The following ITGBL1 variants were observed in gnomAD, a reference collection of about 807,000 sequenced individuals.
ITGBL1 encodes integrin subunit beta like 1.
In ITGBL1, 51 loss-of-function variants were observed where a neutral mutation model predicts 68.5. The ratio of observed to expected loss-of-function variants is 0.74; its 90% CI spans 0.59 to 0.94. The LOEUF is 0.94. Among genes scored for constraint, ITGBL1 ranks in the 40% least tolerant of loss-of-function variants. ITGBL1 has a pLI of 0.00. For missense variants in ITGBL1, 649 were observed against 647.4 expected (o/e 1.00, Z -0.03); for synonymous variants, 209 against 227.3 (o/e 0.92, Z 0.72).
intron 2 of ITGBL1, among the ~76,000 whole-genome samples, chr13:101,480,228 ACT>A (rs1289442748): frequency 2.6e-5 from 4 of 151,992 alleles, no homozygotes; most frequent in African/African-American, 7.2e-5. Context: ...AAAAAGACAG[ACT>A]CTGCATGTCC....
At chr13:101,540,020 G>T (rs529251795) in intron 2 of ITGBL1, among the ~76,000 whole-genome samples, 3 of 152,254 alleles carry the variant, frequency 2.0e-5, no homozygotes, top group Admixed American at 6.5e-5. Context: ...CACTCTGATG[G>T]TGGCTTATTT....
chr13:101,715,316 G>T, intron 10 of ITGBL1: 1 of 426,494 alleles, frequency 2.3e-6, no homozygotes, highest in Non-Finnish European at 4.2e-6. Context: ...AGCCTAGCTG[G>T]AGTGATACAG....
chr13:101,592,366 G>A (rs538899606), intron 6 of ITGBL1, among the ~76,000 whole-genome samples: 25 of 152,130 alleles, frequency 1.6e-4, no homozygotes, highest in Middle Eastern at 3.4e-3. Context: ...ATTCTGCTTC[G>A]GTGAAGTAAC....
chr13:101,537,035 G>A (rs1414305), intron 2 of ITGBL1, among the ~76,000 whole-genome samples: 148,953 of 152,092 alleles, frequency 0.98, 72,954 homozygotes, highest in East Asian at 1. Flanking sequence ...TCCTAAACCT[G>A]TTCTAGCACC....
chr13:101,526,319 T>C (rs1464768342), intron 2 of ITGBL1, among the ~76,000 whole-genome samples: 1 of 151,970 alleles, frequency 6.6e-6, no homozygotes, highest in Non-Finnish European at 1.5e-5. Flanking sequence ...CCCCACCCCC[T>C]GACAGGCCCC....
intron 2 of ITGBL1, among the ~76,000 whole-genome samples, chr13:101,465,017 A>C (rs754629393): frequency 2.0e-5 from 3 of 152,184 alleles, no homozygotes; most frequent in Admixed American, 6.5e-5. Context: ...ATGCCATGAA[A>C]ACAATGACGT....
Position 101,582,109 on chromosome 13 carries a change from A to G in ITGBL1, c.728-1107A>G, listed in dbSNP as rs1238629535. Among the ~76,000 whole-genome samples the G allele has an allele frequency of 2.6e-5, 4 of 151,912 alleles. 1 individual carries two copies. Among genetic ancestry groups the G allele is most frequent in the South Asian group, 4.1e-4 (2 of 4,820 alleles). On this transcript the variant is annotated intron_variant, in intron 5 of 10. Coordinates refer to ENST00000376180, the MANE Select transcript of ITGBL1 (RefSeq NM_004791.3). ...TTCCTTTTGTTCTTTCCTTTTGTCTATTTCACTTTGGGCATATTAATCCTT... is the reference window on the plus strand; with the variant it reads ...TTCCTTTTGTTCTTTCCTTTTGTCTGTTTCACTTTGGGCATATTAATCCTT...
chr13:101,517,482 C>T (rs1369215023), intron 2 of ITGBL1, among the ~76,000 whole-genome samples: 1 of 152,170 alleles, frequency 6.6e-6, no homozygotes, highest in Non-Finnish European at 1.5e-5. Context: ...ATCAGAATGA[C>T]TGGGATTCAA....
intron 7 of ITGBL1, among the ~76,000 whole-genome samples, chr13:101,665,299 T>A (rs529777302): frequency 3.9e-5 from 6 of 152,278 alleles, no homozygotes; most frequent in East Asian, 1.9e-4. Flanking sequence ...GTATATTTTT[T>A]AATTCACTTA....
At chr13:101,512,100 C>T (rs931833069) in intron 2 of ITGBL1, among the ~76,000 whole-genome samples, 4 of 152,056 alleles carry the variant, frequency 2.6e-5, no homozygotes, top group Non-Finnish European at 5.9e-5. Context: ...CTTTGTAATT[C>T]GACTACTCGT....
rs1594899395 is a variant in ITGBL1, at chr13:101,575,540, T to C, written c.580T>C (p.Cys194Arg). Residue 194 changes from cysteine (C) to arginine (R), a missense_variant, in exon 4 of 11, where the codon TGT becomes CGT. By Grantham distance (180) the Cys-to-Arg change is radical. Transcript: ENST00000376180. ...CATAGACGATGAAACAGAAGAAATATGTGGAGGTATGTATATTGGCTCTGT... is the reference window on the plus strand; with the variant it reads ...CATAGACGATGAAACAGAAGAAATACGTGGAGGTATGTATATTGGCTCTGT... ...ECIDDETEEI[C>R]GGHGKCYCGN... is the part of the protein sequence containing the mutation. 3 of 1,612,076 alleles carry C rather than the reference T, an allele frequency of 1.9e-6. No individual in the cohort carries two copies. Among genetic ancestry groups the C allele is most frequent in the Non-Finnish European group, 2.5e-6 (3 of 1,178,516 alleles).
At chr13:101,627,094 G>A (rs1192685636) in intron 7 of ITGBL1, among the ~76,000 whole-genome samples, 3 of 151,936 alleles carry the variant, frequency 2.0e-5, no homozygotes, top group South Asian at 2.1e-4. Context: ...TGAAACTTGC[G>A]GTTTTCTGTT....
rs375922483 is a variant in ITGBL1, at chr13:101,508,594, G to T, written c.316+54494G>T. The stretch of plus-strand genomic sequence containing the variant: ...TAATTTTTCTCACTAAAGCTTAGAG[G>T]GTGTGTTTTCTGATAAATATTAAGT... On this transcript the variant is annotated intron_variant, in intron 2 of 10. Transcript: ENST00000376180. Among the ~76,000 whole-genome samples, 47 of 151,900 alleles carry T rather than the reference G, an allele frequency of 3.1e-4. No individual in the cohort carries two copies. In the East Asian group the frequency reaches 4.5e-3, roughly 14 times the overall value.
intron 2 of ITGBL1, among the ~76,000 whole-genome samples, chr13:101,509,625 AT>A (rs899563760): frequency 1.6e-4 from 25 of 152,188 alleles, no homozygotes; most frequent in African/African-American, 6.0e-4. Context: ...CATGGACCTA[AT>A]TTCAGATTTG....
chr13:101,572,757 C>G (rs553331407), intron 3 of ITGBL1, among the ~76,000 whole-genome samples: 1 of 152,164 alleles, frequency 6.6e-6, no homozygotes, highest in East Asian at 1.9e-4. Context: ...TGAGAGGGAG[C>G]TGCCTATGGG....
chr13:101,692,531 C>A, intron 7 of ITGBL1, 54 bp from the exon 8 acceptor site: 2 of 1,211,178 alleles, frequency 1.7e-6, no homozygotes, highest in Non-Finnish European at 2.5e-6. Flanking sequence ...CCTTGAAAGC[C>A]TTAGTGATTC....
At chr13:101,474,413 C>T (rs2048506228) in intron 2 of ITGBL1, among the ~76,000 whole-genome samples, 1 of 152,130 alleles carries the variant, frequency 6.6e-6, no homozygotes, top group African/African-American at 2.4e-5. Flanking sequence ...GAACAGTGCA[C>T]TAAGTAGATT....
At chr13:101,591,504 C>T (rs1334577058) in intron 6 of ITGBL1, among the ~76,000 whole-genome samples, 1 of 152,030 alleles carries the variant, frequency 6.6e-6, no homozygotes, top group African/African-American at 2.4e-5. Flanking sequence ...ATTCAGTGAT[C>T]CCTAATGTCT....
rs768286333 is a variant in ITGBL1, at chr13:101,715,614, G to A, written c.1445G>A (p.Gly482Glu). ...TGTGAATGCTGGGATGGATGGAATG[G>A]AAATGCATGTGAAATCTGGCTTGGC... ...GNCECWDGWNGNACEIWLGSE... is the reference protein window; with the variant it reads ...GNCECWDGWNENACEIWLGSE... The change falls in exon 11 of 11, where the codon GGA (glycine) becomes GAA (glutamate). Residue 482 changes from glycine to glutamate, a missense_variant. Coordinates refer to ENST00000376180, the MANE Select transcript of ITGBL1 (RefSeq NM_004791.3). 1.2e-6 allele frequency: 2 copies of A among 1,613,508 alleles called. No individual in the cohort carries two copies. The highest frequency in any genetic ancestry group is 2.2e-5 in the South Asian group (2 of 91,070).
Sources: gnomAD v4.1 joint callset for allele counts (sites outside exome capture counted in the v4.1 genomes callset) on GRCh38, gnomAD v4.1.1 for gene constraint, MANE v1.5 for transcripts, NCBI Gene and HGNC (gene_info 2026-07-23, HGNC 2026-07-21) for gene names.